Variants in TRHDE observed in about 807,000 individuals in gnomAD.
TRHDE encodes thyrotropin releasing hormone degrading enzyme, also known as thyrotropin-releasing hormone-degrading ectoenzyme.
A neutral mutation model predicts 125.7 loss-of-function variants in TRHDE; 72 were observed. That is an observed-to-expected ratio of 0.57 (90% CI 0.47 to 0.70). The LOEUF is 0.70. Among genes scored for constraint, TRHDE ranks in the 30% least tolerant of loss-of-function variants. The pLI, the probability that TRHDE is intolerant of heterozygous loss-of-function variation, is 0.00. For missense variants in TRHDE, 1,110 were observed against 1,327.1 expected (o/e 0.84, Z 2.54); for synonymous variants, 509 against 509.1 (o/e 1.00, Z 0.00).
intron 6 of TRHDE, among the ~76,000 whole-genome samples, chr12:72,505,578 A>G (rs1228646404): frequency 6.6e-6 from 1 of 152,200 alleles, no homozygotes; most frequent in Non-Finnish European, 1.5e-5. Context: ...CTTTACAAGC[A>G]GGAACACTTT....
chr12:72,561,872 G>A (rs1214771208), intron 7 of TRHDE, among the ~76,000 whole-genome samples: 1 of 152,052 alleles, frequency 6.6e-6, no homozygotes, highest in Non-Finnish European at 1.5e-5. Flanking sequence ...TTTCAGAATT[G>A]ACTGAGGTTG....
At chr12:72,546,318 AT>A (rs921180205) in intron 7 of TRHDE, among the ~76,000 whole-genome samples, 9 of 151,666 alleles carry the variant, frequency 5.9e-5, no homozygotes, top group African/African-American at 2.2e-4. Flanking sequence ...TCAGCTGAGA[AT>A]TTAAAGCACT....
intron 2 of TRHDE, among the ~76,000 whole-genome samples, chr12:72,177,666 A>G (rs1270418880): frequency 6.6e-6 from 1 of 152,142 alleles, no homozygotes; most frequent in African/African-American, 2.4e-5. Flanking sequence ...CTTAGACAAT[A>G]AAACTATTTT....
chr12:72,170,318 T>C (rs1025042912), intron 2 of TRHDE, among the ~76,000 whole-genome samples: 3 of 152,142 alleles, frequency 2.0e-5, no homozygotes, highest in African/African-American at 7.2e-5. Context: ...AGAACAATGC[T>C]CTTGACTTAA....
At chr12:72,412,439 G>A (rs143083464) in intron 3 of TRHDE, among the ~76,000 whole-genome samples, 246 of 152,166 alleles carry the variant, frequency 1.6e-3, no homozygotes, top group South Asian at 4.1e-3. Flanking sequence ...CACTGGGGAG[G>A]TTGTAGCAAA....
At chr12:72,189,995 G>A (rs1477629309) in intron 2 of TRHDE, among the ~76,000 whole-genome samples, 4 of 152,090 alleles carry the variant, frequency 2.6e-5, no homozygotes, top group Non-Finnish European at 2.9e-5. Context: ...AGTAGTATTC[G>A]GAAGTAAAAA....
At chr12:72,640,731 T>G (rs980026985) in intron 15 of TRHDE, among the ~76,000 whole-genome samples, 1 of 152,134 alleles carries the variant, frequency 6.6e-6, no homozygotes, top group Non-Finnish European at 1.5e-5. Flanking sequence ...TGTTCCTATT[T>G]GGCCATCTTG....
intron 3 of TRHDE, among the ~76,000 whole-genome samples, chr12:72,420,244 A>G (rs895217916): frequency 6.6e-6 from 1 of 152,178 alleles, no homozygotes; most frequent in Non-Finnish European, 1.5e-5. Flanking sequence ...GACAGTTAGT[A>G]TCTAGGCAGT....
At chr12:72,634,876 C>T (rs549598971) in intron 15 of TRHDE, among the ~76,000 whole-genome samples, 32 of 152,014 alleles carry the variant, frequency 2.1e-4, no homozygotes, top group South Asian at 8.3e-4. Flanking sequence ...GTATATGTGC[C>T]ACATTTTCTT....
rs909601746 is a variant in TRHDE, at chr12:72,169,548, C to A, written n.279+63796C>A. ...GAGAAAGAGATCTCTGTGTCTCTTC[C>A]TCTTCTTATAAAGGTGCAAATACTA... On this transcript the variant is annotated intron_variant and non_coding_transcript_variant, in intron 2 of 4. Transcript: ENST00000548156. Among the ~76,000 whole-genome samples the A allele has an allele frequency of 1.1e-4, 16 of 152,026 alleles. No homozygotes were observed. In the East Asian group the frequency reaches 2.9e-3, roughly 28 times the overall value.
At chr12:72,396,778 C>A (rs765829759) in intron 3 of TRHDE, among the ~76,000 whole-genome samples, 15 of 151,984 alleles carry the variant, frequency 9.9e-5, no homozygotes, top group Non-Finnish European at 1.9e-4. Context: ...AACAAAAAAA[C>A]TTTATTCTCT....
rs187702979 is a variant in TRHDE, at chr12:72,392,268, A to T, written c.1315+14147A>T. Among the ~76,000 whole-genome samples the T allele has an allele frequency of 2.6e-4, 39 of 152,288 alleles. 1 individual carries two copies. The East Asian group carries it at 6.9e-3, about 27-fold the overall frequency. On this transcript the variant is annotated intron_variant, in intron 3 of 18. Transcript: ENST00000261180. ...GTAAGGCTTGGATCATTTTGCTGAG[A>T]TTTGTAGTAAAGAATGCCAGTGAGG...
At chr12:72,287,555 G>A (rs546898359) in intron 2 of TRHDE, among the ~76,000 whole-genome samples, 3 of 149,500 alleles carry the variant, frequency 2.0e-5, no homozygotes, top group South Asian at 2.1e-4. Flanking sequence ...ATTATCCTAC[G>A]ATTATTTCAT....
At chr12:72,301,682 G>A (rs771028187) in intron 2 of TRHDE, among the ~76,000 whole-genome samples, 3 of 151,910 alleles carry the variant, frequency 2.0e-5, no homozygotes, top group Non-Finnish European at 4.4e-5. Context: ...TTGTAATGCA[G>A]TTGAGAAAGT....
chr12:72,305,043 G>A (rs1379524359), intron 2 of TRHDE, among the ~76,000 whole-genome samples: 1 of 152,020 alleles, frequency 6.6e-6, no homozygotes, highest in Non-Finnish European at 1.5e-5. Flanking sequence ...AGAGAGAGTA[G>A]ATATTAACTT....
intron 2 of TRHDE, among the ~76,000 whole-genome samples, chr12:72,157,743 T>C (rs1876549480): frequency 6.6e-6 from 1 of 152,186 alleles, no homozygotes; most frequent in African/African-American, 2.4e-5. Context: ...TCTGTGAAGA[T>C]GTTGAATTGA....
intron 5 of TRHDE, among the ~76,000 whole-genome samples, chr12:72,474,964 A>T (rs573799713): frequency 6.6e-6 from 1 of 152,290 alleles, no homozygotes; most frequent in Non-Finnish European, 1.5e-5. Context: ...TATGAAGGCA[A>T]CATGACTCAC....
At chr12:72,529,693 C>T (rs189433420) in intron 6 of TRHDE, among the ~76,000 whole-genome samples, 15 of 152,168 alleles carry the variant, frequency 9.9e-5, no homozygotes, top group Admixed American at 7.9e-4. Context: ...GAGTGTTGGT[C>T]GTTCTGTGTA....
At chr12:72,526,157 G>A (rs1422400533) in intron 6 of TRHDE, among the ~76,000 whole-genome samples, 1 of 151,874 alleles carries the variant, frequency 6.6e-6, no homozygotes, top group Non-Finnish European at 1.5e-5. Flanking sequence ...ACCTTTTTCA[G>A]CACATAGTTA....
Sources: allele counts gnomAD v4.1 joint callset (sites outside exome capture counted in the v4.1 genomes callset), GRCh38; gene constraint gnomAD v4.1.1; transcripts MANE v1.5; gene names NCBI Gene and HGNC (gene_info 2026-07-23, HGNC 2026-07-21).